The following HBS1L variants were observed in gnomAD, a reference collection of about 807,000 sequenced individuals.
The protein encoded by HBS1L is HBS1-like protein.
In HBS1L, 55 loss-of-function variants were observed where a neutral mutation model predicts 88.9. The ratio of observed to expected loss-of-function variants is 0.62; its 90% CI spans 0.50 to 0.77. The LOEUF is 0.77. Among genes scored for constraint, HBS1L ranks in the 30% least tolerant of loss-of-function variants. The pLI is 0.00. For missense variants in HBS1L, 741 were observed against 829.3 expected (o/e 0.89, Z 1.31); for synonymous variants, 267 against 288.5 (o/e 0.93, Z 0.76).
At chr6:134,994,390 A>G (rs1229643028) in intron 7 of HBS1L, among the ~76,000 whole-genome samples, 3 of 152,176 alleles carry the variant, frequency 2.0e-5, no homozygotes, top group African/African-American at 7.2e-5. Context: ...AAAAACAGAG[A>G]TAGATGAACA....
At position 134,963,636 on chromosome 6, in the gene HBS1L, G is replaced by A. The variant is rs1263932632; in HGVS notation, c.*1643C>T. The A allele has an allele frequency of 2.6e-5, 4 of 152,190 alleles. No homozygotes were observed. Among genetic ancestry groups the A allele is most frequent in the Admixed American group, 6.5e-5 (1 of 15,276 alleles). 9.4% of individuals were successfully genotyped at this position (152,190 alleles called of 1,614,324 possible). On this transcript the variant is annotated 3_prime_UTR_variant, in exon 18 of 18. Coordinates refer to ENST00000367837, the MANE Select transcript of HBS1L (RefSeq NM_006620.4). ...ATGGTCTCACTATATTGCCTTAGCT[G>A]GTCTCAAACTCCTGGGCTCACGCTA...
At chr6:135,002,981 AT>A in intron 4 of HBS1L, 139 bp from the exon 5 acceptor site, 1 of 535,406 alleles carries the variant, frequency 1.9e-6, no homozygotes, top group Non-Finnish European at 3.3e-6. Flanking sequence ...CTCTAAAAAA[AT>A]TTAGTAAGAT....
Position 135,042,087 on chromosome 6 carries a change from A to G in HBS1L, c.149T>C (p.Val50Ala). 8 of 1,613,276 alleles carry G rather than the reference A, an allele frequency of 5.0e-6. No individual in the cohort carries two copies. The highest frequency in any genetic ancestry group is 6.8e-6 in the Non-Finnish European group (8 of 1,179,498). ...FIYSRRDKPS[V>A]EPVEEYDYED... Reference sequence around the variant, plus strand: ...ATAATCATATTCTTCCACAGGCTCAACGGAAGGTTTGTCACGCCGTGAATA... The same window carrying G: ...ATAATCATATTCTTCCACAGGCTCAGCGGAAGGTTTGTCACGCCGTGAATA... Residue 50 changes from valine (V) to alanine (A), a missense_variant, in exon 3 of 18, where the codon GTT becomes GCT. Val to Ala is a moderately conservative substitution (Grantham distance 64). This residue lies in a region of HBS1L where 556 missense variants were observed against 598.4 expected (regional missense o/e 0.93). Transcript: ENST00000367837.
intron 4 of HBS1L, among the ~76,000 whole-genome samples, chr6:135,011,495 GAAC>G (rs1161880390): frequency 5.3e-5 from 8 of 152,164 alleles, no homozygotes; most frequent in Non-Finnish European, 1.0e-4. Flanking sequence ...ACTCTAGCCT[GAAC>G]AACAGAGCGA....
intron 4 of HBS1L, chr6:135,035,832 T>A: frequency 3.3e-6 from 2 of 599,098 alleles, no homozygotes; most frequent in Non-Finnish European, 4.1e-6. Context: ...GGTAAAATTC[T>A]CCATTCAAAG....
chr6:135,027,335 CA>C lies in HBS1L; in HGVS notation c.430+12237del, dbSNP rs1463425940. On this transcript the variant is annotated intron_variant, in intron 4 of 17. Coordinates refer to ENST00000367837, the MANE Select transcript of HBS1L (RefSeq NM_006620.4). ...TACACTGGGCCACAAACTCAATAAA[CA>C]GAGTACAGATCACACACTCTGATAA... is the stretch of plus-strand genomic sequence containing the variant. 142 of 150,814 alleles carry C rather than the reference CA, an allele frequency of 9.4e-4. 1 individual carries two copies. The highest frequency in any genetic ancestry group is 3.4e-3 in the African/African-American group (138 of 41,054). 9.3% of individuals were successfully genotyped at this position (150,814 alleles called of 1,614,324 possible).
chr6:135,006,397 G>A (rs1265632449), intron 4 of HBS1L, among the ~76,000 whole-genome samples: 2 of 152,114 alleles, frequency 1.3e-5, no homozygotes, highest in East Asian at 3.9e-4. Flanking sequence ...CATAAGCTGT[G>A]ATCATGAAGA....
chr6:134,965,665 C>A (rs1192065705), intron 17 of HBS1L, among the ~76,000 whole-genome samples: 1 of 152,198 alleles, frequency 6.6e-6, no homozygotes, highest in African/African-American at 2.4e-5. Flanking sequence ...TATTTTTACA[C>A]TGAAGGAGGT....
At chr6:134,966,231 C>CT (rs1774309420) in intron 17 of HBS1L, 98 bp downstream of exon 17, 2 of 1,096,668 alleles carry the variant, frequency 1.8e-6, no homozygotes, top group Non-Finnish European at 2.6e-6. Context: ...AATGCTTTTT[C>CT]TTTCATTCCC....
chr6:135,036,345 G>A lies in HBS1L; in HGVS notation c.430+3228C>T, dbSNP rs1776547468. The stretch of plus-strand genomic sequence containing the variant: ...TATCCACTTTGTAAACATATACTCA[G>A]TATAGGTTACCAACTTAAATAAAGC... On this transcript the variant is annotated intron_variant, in intron 4 of 17. Transcript: ENST00000367837. The A allele has an allele frequency of 1.5e-5, 18 of 1,219,660 alleles. No homozygotes were observed. The East Asian group carries it at 6.2e-4, about 42-fold the overall frequency. 75.6% of individuals were successfully genotyped at this position (1,219,660 alleles called of 1,614,324 possible). A position where few individuals can be genotyped will look rare whatever the true frequency, so the allele number is the denominator to read the frequency against.
chr6:135,006,881 G>A (rs1040033457), intron 4 of HBS1L, among the ~76,000 whole-genome samples: 3 of 151,996 alleles, frequency 2.0e-5, no homozygotes, highest in African/African-American at 7.3e-5. Flanking sequence ...AAGTGGCATG[G>A]GGGATTCTGG....
Position 134,986,047 on chromosome 6 carries a change from A to G in HBS1L, c.1423+19T>C, listed in dbSNP as rs925349441. On this transcript the variant is annotated intron_variant, in intron 11 of 17. Coordinates refer to ENST00000367837, the MANE Select transcript of HBS1L (RefSeq NM_006620.4). ...ACCAAGTTTATAATGCATTAAAGCTAGAATGGCAGTATACTTACCAATTTG... is the reference window on the plus strand; with the variant it reads ...ACCAAGTTTATAATGCATTAAAGCTGGAATGGCAGTATACTTACCAATTTG... 2 of 993,206 alleles carry G rather than the reference A, an allele frequency of 2.0e-6. No homozygotes were observed. Among genetic ancestry groups the G allele is most frequent in the East Asian group, 2.4e-5 (1 of 41,670 alleles). 61.5% of individuals were successfully genotyped at this position (993,206 alleles called of 1,614,324 possible). A position where few individuals can be genotyped will look rare whatever the true frequency, so the allele number is the denominator to read the frequency against.
At chr6:134,974,668 T>C (rs557457117) in intron 15 of HBS1L, among the ~76,000 whole-genome samples, 1 of 147,532 alleles carries the variant, frequency 6.8e-6, no homozygotes, top group Admixed American at 6.7e-5. Context: ...AAACAGATGA[T>C]CATCTCAATA....
At chr6:134,992,801 A>C (rs1404705715) in intron 8 of HBS1L, among the ~76,000 whole-genome samples, 1 of 152,196 alleles carries the variant, frequency 6.6e-6, no homozygotes, top group East Asian at 1.9e-4. Context: ...TTAAAGAAAA[A>C]CATATTTTTA....
intron 4 of HBS1L, chr6:135,036,246 T>C (rs1259976144): frequency 2.1e-6 from 2 of 959,906 alleles, no homozygotes; most frequent in African/African-American, 3.5e-5. Context: ...AAATATTTCA[T>C]TATAAAAAAC....
At chr6:135,002,632 T>C (rs1487269787) in intron 5 of HBS1L, 102 bp downstream of exon 5, 3 of 681,144 alleles carry the variant, frequency 4.4e-6, no homozygotes, top group Non-Finnish European at 8.1e-6. Context: ...GTGCTAATGA[T>C]ATATTATGCG....
intron 2 of HBS1L, among the ~76,000 whole-genome samples, chr6:135,049,851 C>T (rs1362209617): frequency 3.3e-5 from 5 of 152,230 alleles, no homozygotes; most frequent in Non-Finnish European, 5.9e-5. Context: ...GGATTACAGG[C>T]GTGAGCCATC....
intron 4 of HBS1L, chr6:135,037,941 G>A (rs1278097563): frequency 6.5e-7 from 1 of 1,548,590 alleles, no homozygotes; most frequent in Non-Finnish European, 8.7e-7. Context: ...CAAAGGGTTT[G>A]CTACTATAAT....
chr6:134,994,352 A>G (rs896389674), intron 7 of HBS1L, among the ~76,000 whole-genome samples: 1 of 152,158 alleles, frequency 6.6e-6, no homozygotes, highest in Non-Finnish European at 1.5e-5. Context: ...AGAAAACATA[A>G]GATATCAAAG....
Sources: gnomAD v4.1 joint callset for allele counts (sites outside exome capture counted in the v4.1 genomes callset) on GRCh38, gnomAD v4.1.1 for gene constraint, gnomAD v4.1.1 regional missense constraint, MANE v1.5 for transcripts, NCBI Gene and HGNC (gene_info 2026-07-23, HGNC 2026-07-21) for gene names.